CUL7: variants seen among roughly 807,000 people sequenced by gnomAD.
CUL7 encodes the protein cullin 7, also known as cullin-7.
A neutral mutation model predicts 177.7 loss-of-function variants in CUL7; 96 were observed. The ratio of observed to expected loss-of-function variants is 0.54; its 90% CI spans 0.46 to 0.64. CUL7 has a LOEUF of 0.64. Among genes scored for constraint, CUL7 ranks in the 30% least tolerant of loss-of-function variants. The pLI is 0.00. For synonymous variants in CUL7, 824 were observed against 890.2 expected (o/e 0.93, Z 1.32); for missense variants, 1,893 against 2,187.9 (o/e 0.87, Z 2.69).
Position 43,052,692 on chromosome 6 carries a change from C to G in CUL7, c.97G>C (p.Asp33His), listed in dbSNP as rs747064474. Residue 33 changes from aspartate (D) to histidine (H), a missense_variant, in exon 2 of 26, where the codon GAT (aspartate) becomes CAT (histidine). Coordinates refer to ENST00000265348, the MANE Select transcript of CUL7 (RefSeq NM_014780.5). This position sits in a 1 kb window ranked among gnomAD's most constrained non-coding sequence, Gnocchi z 4.5. ...DELIRQRVGH[D>H]GHPEYQIRWL... ...CGGATCTGGTACTCAGGATGCCCAT[C>G]ATGGCCCACGCGCTGGCGGATCAGC... The G allele has an allele frequency of 6.8e-5, 109 of 1,613,936 alleles. No homozygotes were observed. The highest frequency in any genetic ancestry group is 8.7e-5 in the Non-Finnish European group (103 of 1,180,046).
chr6:43,046,428 G>A (rs772176494), intron 11 of CUL7, 21 bp from the exon 12 acceptor site: 2 of 1,614,208 alleles, frequency 1.2e-6, no homozygotes, highest in Non-Finnish European at 1.7e-6. Flanking sequence ...GTGGGAAGGG[G>A]TGGTGGTCAC....
chr6:43,040,727 G>T lies in CUL7; in HGVS notation c.3826C>A (p.Leu1276Ile). The T allele has an allele frequency of 6.2e-7, 1 of 1,614,154 alleles. No individual in the cohort carries two copies. Among genetic ancestry groups the T allele is most frequent in the African/African-American group, 1.3e-5 (1 of 75,062 alleles). ...HYYQHYMADR[L>I]LGVVSSWLEG... ...AGCCAGCTCGAGACCACGCCCAGGA[G>T]ACGGTCCGCCATGTAGTGCCTGCAG... Residue 1276 changes from leucine (L) to isoleucine (I), a missense_variant, in exon 21 of 26, where the codon CTC becomes ATC. Transcript: ENST00000265348. This position sits in a 1 kb window ranked among gnomAD's most constrained non-coding sequence, Gnocchi z 4.2.
In CUL7 at chr6:43,037,804, T is replaced by C; in HGVS notation, c.4981A>G (p.Asn1661Asp). 1 of 1,607,980 alleles carries C rather than the reference T, an allele frequency of 6.2e-7. No individual in the cohort carries two copies. The highest frequency in any genetic ancestry group is 8.5e-7 in the Non-Finnish European group (1 of 1,177,340). The change falls in exon 26 of 26, where the codon AAC (asparagine) becomes GAC (aspartate). Residue 1661 changes from asparagine (N) to aspartate (D), a missense_variant. Physicochemically the swap from Asn to Asp is conservative, Grantham distance 23. Coordinates refer to ENST00000265348, the MANE Select transcript of CUL7 (RefSeq NM_014780.5). ...GGGTTGGGGCCTGAGGAGCCTGGGT[T>C]CAGGGACTCAGTGTGAGGCTCCATG... ...TVMEPHTESLNPGSSGPNPPL... is the reference protein window; with the variant it reads ...TVMEPHTESLDPGSSGPNPPL...
Position 43,045,702 on chromosome 6 carries a change from G to A in CUL7, c.2767-20C>T, listed in dbSNP as rs778811340. 2 of 1,613,076 alleles carry A rather than the reference G, an allele frequency of 1.2e-6. No homozygotes were observed. The highest frequency in any genetic ancestry group is 2.2e-5 in the South Asian group (2 of 91,062). On this transcript the variant is annotated intron_variant, in intron 13 of 25. Coordinates refer to ENST00000265348, the MANE Select transcript of CUL7 (RefSeq NM_014780.5). This position sits in a 1 kb window ranked among gnomAD's most constrained non-coding sequence, Gnocchi z 4.8. ...ATTCACCTGGCAGGGGGCAGAGAAAGCTGTCACCTCCACACATGCAGAGCC... is the reference window on the plus strand; with the variant it reads ...ATTCACCTGGCAGGGGGCAGAGAAAACTGTCACCTCCACACATGCAGAGCC...
chr6:43,052,906 G>T lies in CUL7; in HGVS notation c.-8-110C>A. On this transcript the variant is annotated intron_variant, in intron 1 of 25. Transcript: ENST00000265348. This position sits in a 1 kb window ranked among gnomAD's most constrained non-coding sequence, Gnocchi z 4.5. ...AATGGCAACAGCTGTCAGGCGGGGT[G>T]GGGTAAAGCCAGGCCCAGGAGTTGC... is the stretch of plus-strand genomic sequence containing the variant. 5.0e-6 allele frequency: 6 copies of T among 1,197,682 alleles called. 1 individual carries two copies. Among genetic ancestry groups the T allele is most frequent in the Non-Finnish European group, 7.1e-6 (6 of 840,736 alleles). 74.2% of individuals were successfully genotyped at this position (1,197,682 alleles called of 1,614,324 possible).
At chr6:43,049,293 A>T in intron 7 of CUL7, 114 bp downstream of exon 7, 1 of 1,369,392 alleles carries the variant, frequency 7.3e-7, no homozygotes, top group Non-Finnish European at 1.0e-6. Context: ...TCTAAGTTGC[A>T]GCTTCTAAGG....
chr6:43,041,237 A>T (rs2150311599), intron 19 of CUL7, 162 bp from the exon 20 acceptor site: 1 of 667,518 alleles, frequency 1.5e-6, no homozygotes, highest in East Asian at 2.7e-5. Context: ...CCATTGTACA[A>T]ATTAGCAATA....
At position 43,048,355 on chromosome 6, in the gene CUL7, C is replaced by G; in HGVS notation, c.2040G>C (p.Arg680Ser). Reference sequence around the variant, plus strand: ...ACCTCAGCACAGTCAGGTGCAGGGTCCTGTTAGTCTCCGGAGTGTCCAGGC... The same window carrying G: ...ACCTCAGCACAGTCAGGTGCAGGGTGCTGTTAGTCTCCGGAGTGTCCAGGC... ...MQSLDTPETNRTLHLTVLRIL... is the reference protein window; with the variant it reads ...MQSLDTPETNSTLHLTVLRIL... The change falls in exon 8 of 26, where the codon AGG (arginine) becomes AGC (serine). Residue 680 changes from arginine (R) to serine (S), a missense_variant. Transcript: ENST00000265348. 6.2e-7 allele frequency: 1 copy of G among 1,612,616 alleles called. No homozygotes were observed. Among genetic ancestry groups the G allele is most frequent in the Non-Finnish European group, 8.5e-7 (1 of 1,178,596 alleles).
At chr6:43,048,971 A>C (rs561199162) in intron 7 of CUL7, among the ~76,000 whole-genome samples, 1 of 151,238 alleles carries the variant, frequency 6.6e-6, no homozygotes, top group African/African-American at 2.4e-5. Context: ...ACGGGGTTTC[A>C]CCATGTTAGG....
Position 43,052,000 on chromosome 6 carries a change from G to A in CUL7, c.580+209C>T. The A allele has an allele frequency of 1.0e-6, 1 of 974,788 alleles. No homozygotes were observed. The highest frequency in any genetic ancestry group is 1.5e-6 in the Non-Finnish European group (1 of 665,138). The allele number at this position is 974,788 out of a possible 1,614,324, so 60.4% of individuals were successfully genotyped here. ...TGCATAAAAAGCAACTAATTAATAT[G>A]AGGTTCTTGAAGATAGTCTTTCCTC... On this transcript the variant is annotated intron_variant, in intron 2 of 25. Transcript: ENST00000265348. The surrounding 1 kb of genome is among the most constrained non-coding windows in gnomAD (Gnocchi z 5.0).
rs1420469481 is a variant in CUL7, at chr6:43,050,133, T to C, written c.1399A>G (p.Met467Val). The C allele has an allele frequency of 6.2e-7, 1 of 1,614,112 alleles. No homozygotes were observed. Among genetic ancestry groups the C allele is most frequent in the Non-Finnish European group, 8.5e-7 (1 of 1,180,060 alleles). The change falls in exon 6 of 26, where the codon ATG becomes GTG. Residue 467 changes from methionine to valine, a missense_variant. This residue lies in a region of CUL7 where 653 missense variants were observed against 725.2 expected (regional missense o/e 0.90). Transcript: ENST00000265348. The surrounding 1 kb of genome is among the most constrained non-coding windows in gnomAD (Gnocchi z 4.1). ...RALPAWRWRP[M>V]TELYAVPYVL... ...TAAGGCACAGCATAGAGTTCTGTCA[T>C]GGGCCTCCAGCGCCAGGCAGGCAGG...
chr6:43,047,940 TG>T, intron 9 of CUL7: 1 of 591,838 alleles, frequency 1.7e-6, no homozygotes, highest in Non-Finnish European at 3.0e-6. Flanking sequence ...GAATTCTCAG[TG>T]TATACCTTGT....
chr6:43,052,160 C>G lies in CUL7; in HGVS notation c.580+49G>C. 6.2e-7 allele frequency: 1 copy of G among 1,608,064 alleles called. No homozygotes were observed. Among genetic ancestry groups the G allele is most frequent in the South Asian group, 1.1e-5 (1 of 90,218 alleles). ...CACAGTGTCCTGTGAGTCCCTGAGC[C>G]GACCCAGCCCTTCTCCTGCTTTCCC... On this transcript the variant is annotated intron_variant, in intron 2 of 25. Transcript: ENST00000265348. The surrounding 1 kb of genome is among the most constrained non-coding windows in gnomAD (Gnocchi z 4.5).
rs749350471 is a variant in CUL7, at chr6:43,048,235, C to A, written c.2082G>T (p.Val694=). ...LTVLRILKQL[V]DFPEALLLPW... is the part of the protein sequence containing the mutation. Reference sequence around the variant, plus strand: ...GGAGCAGCAGTGCCTCGGGGAAGTCCACCAGCTGCTTCAGGATTCTGGGGG... The same window carrying A: ...GGAGCAGCAGTGCCTCGGGGAAGTCAACCAGCTGCTTCAGGATTCTGGGGG... Residue 694 remains valine, a synonymous_variant, in exon 9 of 26, where the codon GTG becomes GTT. Transcript: ENST00000265348. 6.2e-7 allele frequency: 1 copy of A among 1,613,878 alleles called. No homozygotes were observed. Among genetic ancestry groups the A allele is most frequent in the Admixed American group, 1.7e-5 (1 of 60,024 alleles).
chr6:43,053,721 C>T lies in CUL7; in HGVS notation c.-108G>A. ...CGACTTGGGCCCCACCTGGGCCCCG[C>T]GAGGGGGTCGAGACGGAGAGACGGG... On this transcript the variant is annotated 5_prime_UTR_variant, in exon 1 of 26. Transcript: ENST00000265348. This position sits in a 1 kb window ranked among gnomAD's most constrained non-coding sequence, Gnocchi z 4.1. 10 of 1,448,686 alleles carry T rather than the reference C, an allele frequency of 6.9e-6. No homozygotes were observed. The highest frequency in any genetic ancestry group is 8.2e-6 in the Non-Finnish European group (9 of 1,104,154). 89.7% of individuals were successfully genotyped at this position (1,448,686 alleles called of 1,614,324 possible).
At chr6:43,044,683 A>G in intron 16 of CUL7, 69 bp downstream of exon 16, 3 of 1,567,784 alleles carry the variant, frequency 1.9e-6, no homozygotes, top group Non-Finnish European at 2.6e-6. Flanking sequence ...TCTAGGGTAG[A>G]GCAAGAAGGA....
rs1488735054 is a variant in CUL7, at chr6:43,042,955, C to G, written c.3492G>C (p.Arg1164=). Residue 1164 remains arginine (R), a synonymous_variant, in exon 19 of 26, where the codon CGG becomes CGC. Transcript: ENST00000265348. ...AGTAGCGTGGCACAAAGTCATCATC[C>G]CGCCAGGATGAGGTCAGAAAATTGT... ...QVNNFLTSSW[R]DDDFVPRYCE... 6.2e-7 allele frequency: 1 copy of G among 1,614,152 alleles called. No individual in the cohort carries two copies. The highest frequency in any genetic ancestry group is 2.2e-5 in the East Asian group (1 of 44,878).
chr6:43,040,321 T>G lies in CUL7; in HGVS notation c.4129A>C (p.Asn1377His). 2 of 1,613,742 alleles carry G rather than the reference T, an allele frequency of 1.2e-6. No homozygotes were observed. The highest frequency in any genetic ancestry group is 1.7e-6 in the Non-Finnish European group (2 of 1,179,928). ...VAEGEEEEEE[N>H]EDLYYEGAMP... ...GCCCCTTCATAGTAGAGGTCCTCAT[T>G]CTCCTCCTCTTCCTCCTCTCCCTCC... Residue 1377 changes from asparagine to histidine, a missense_variant, in exon 22 of 26, where the codon AAT becomes CAT. This residue lies in a region of CUL7 where 973 missense variants were observed against 1,140.9 expected (regional missense o/e 0.85). Transcript: ENST00000265348. The surrounding 1 kb of genome is among the most constrained non-coding windows in gnomAD (Gnocchi z 4.2).
chr6:43,048,683 T>A, intron 7 of CUL7, 114 bp from the exon 8 acceptor site: 2 of 771,030 alleles, frequency 2.6e-6, no homozygotes, highest in Non-Finnish European at 4.2e-6. Flanking sequence ...ATGTTTTAAA[T>A]TTTTTAATCC....
Sources: gnomAD v4.1 joint callset for allele counts (sites outside exome capture counted in the v4.1 genomes callset) on GRCh38, gnomAD v4.1.1 for gene constraint, gnomAD v4.1.1 regional missense constraint, Gnocchi (gnomAD v3.1) non-coding constraint, MANE v1.5 for transcripts, NCBI Gene and HGNC (gene_info 2026-07-23, HGNC 2026-07-21) for gene names.